AMZ1: variants seen among roughly 807,000 people sequenced by gnomAD.
The protein encoded by AMZ1 is archaemetzincin-1.
In AMZ1, 39 loss-of-function variants were observed where a neutral mutation model predicts 29.9. The ratio of observed to expected loss-of-function variants is 1.30; its 90% CI spans 1.01 to 1.70. The LOEUF is 1.70. AMZ1 is among the 40% of genes most tolerant of loss of function. The pLI is 0.00. For missense variants in AMZ1, 1,041 were observed against 680.6 expected (o/e 1.53, Z -5.89); for synonymous variants, 458 against 304.0 (o/e 1.51, Z -5.27).
chr7:2,723,768 G>C (rs1325634211), downstream of AMZ1, among the ~76,000 whole-genome samples: 4 of 152,232 alleles, frequency 2.6e-5, no homozygotes, highest in East Asian at 7.7e-4. Context: ...TGTTCTCAGA[G>C]ACTCCCTCTG....
chr7:2,763,629 T>C (rs1320694329), upstream of AMZ1, among the ~76,000 whole-genome samples: 1 of 152,256 alleles, frequency 6.6e-6, no homozygotes, highest in East Asian at 1.9e-4. Context: ...AGAGCTGCAG[T>C]GAACACATTT....
chr7:2,731,757 A>C lies in AMZ1; in HGVS notation n.550+21941A>C. The C allele has an allele frequency of 4.8e-6, 7 of 1,454,312 alleles. No individual in the cohort carries two copies. Among genetic ancestry groups the C allele is most frequent in the Non-Finnish European group, 6.5e-6 (7 of 1,081,562 alleles). The allele number at this position is 1,454,312 out of a possible 1,614,324, so 90.1% of individuals were successfully genotyped here. On this transcript the variant is annotated intron_variant and non_coding_transcript_variant, in intron 4 of 4. Transcript: ENST00000489665. The surrounding 1 kb of genome is among the most constrained non-coding windows in gnomAD (Gnocchi z 6.0). Reference sequence around the variant, plus strand: ...GCTTACTAGGAAAGTAATTCTGTAAAATACAGGATGAGGCAGAAATTTAGG... The same window carrying C: ...GCTTACTAGGAAAGTAATTCTGTAACATACAGGATGAGGCAGAAATTTAGG...
At chr7:2,720,319 C>T (rs192815808), downstream of AMZ1, among the ~76,000 whole-genome samples, 1 of 152,336 alleles carries the variant, frequency 6.6e-6, no homozygotes, top group East Asian at 1.9e-4. Flanking sequence ...TTCCATGTCT[C>T]CCCACGTCAG....
At chr7:2,710,108 G>A (rs985640953) in intron 6 of AMZ1, among the ~76,000 whole-genome samples, 1 of 152,226 alleles carries the variant, frequency 6.6e-6, no homozygotes, top group Non-Finnish European at 1.5e-5. Context: ...GCTGGCATTG[G>A]AGCCCAGCCG....
At chr7:2,761,046 A>C (rs868096079), upstream of AMZ1, among the ~76,000 whole-genome samples, 1 of 152,204 alleles carries the variant, frequency 6.6e-6, no homozygotes, top group African/African-American at 2.4e-5. Flanking sequence ...CAAAACAATG[A>C]CATGTAAACG....
In AMZ1 at chr7:2,708,626, G is replaced by C. The variant is rs773588068; in HGVS notation, c.511G>C (p.Asp171His). Reference sequence around the variant, plus strand: ...CTTCTTGAAGAACAACAAGCCAGGGGACGCGCTGTGTGTGCTGGGCCTCAC... The same window carrying C: ...CTTCTTGAAGAACAACAAGCCAGGGCACGCGCTGTGTGTGCTGGGCCTCAC... ...LSFLKNNKPG[D>H]ALCVLGLTLS... Residue 171 changes from aspartate to histidine, a missense_variant, in exon 4 of 7, where the codon GAC becomes CAC. Physicochemically the swap from Asp to His is moderately conservative, Grantham distance 81. Coordinates refer to ENST00000683327, the MANE Select transcript of AMZ1 (RefSeq NM_001384743.1). 3 of 1,613,094 alleles carry C rather than the reference G, an allele frequency of 1.9e-6. No individual in the cohort carries two copies. Among genetic ancestry groups the C allele is most frequent in the South Asian group, 1.1e-5 (1 of 91,086 alleles).
At chr7:2,683,364 A>C (rs1379797035), upstream of AMZ1, among the ~76,000 whole-genome samples, 1 of 151,518 alleles carries the variant, frequency 6.6e-6, no homozygotes, top group Non-Finnish European at 1.5e-5. Context: ...TTGTGGCTGC[A>C]CCACTCCCAT....
chr7:2,708,352 G>T (rs1412025855), intron 3 of AMZ1, among the ~76,000 whole-genome samples: 1 of 152,156 alleles, frequency 6.6e-6, no homozygotes, highest in Non-Finnish European at 1.5e-5. Flanking sequence ...CGTCCCCACT[G>T]GGCTGTCCAT....
intron 1 of AMZ1, among the ~76,000 whole-genome samples, chr7:2,689,167 T>C (rs1303385522): frequency 6.6e-6 from 1 of 152,242 alleles, no homozygotes; most frequent in Non-Finnish European, 1.5e-5. Context: ...AATAGCTCGA[T>C]GCAGCTGCTG....
chr7:2,737,139 G>A (rs1008846476), intron 4 of AMZ1, among the ~76,000 whole-genome samples: 9 of 152,114 alleles, frequency 5.9e-5, no homozygotes, highest in African/African-American at 1.2e-4. Context: ...AGATGTAAGC[G>A]TCTAAGTAGG....
chr7:2,711,223 G>A (rs1439536682), intron 6 of AMZ1, among the ~76,000 whole-genome samples: 1 of 152,206 alleles, frequency 6.6e-6, no homozygotes, highest in African/African-American at 2.4e-5. Flanking sequence ...GTTGTAGGGA[G>A]GGCAGTGGTG....
At chr7:2,707,307 C>G (rs1212436345) in intron 3 of AMZ1, among the ~76,000 whole-genome samples, 1 of 151,596 alleles carries the variant, frequency 6.6e-6, no homozygotes, top group Non-Finnish European at 1.5e-5. Context: ...CACACACACA[C>G]AGAACAACCT....
Position 2,709,527 on chromosome 7 carries a change from C to T in AMZ1, c.772-113C>T, listed in dbSNP as rs534332330. ...GGGGGAGGGCGCCTGGACCACCTCCCGGCCATCTGGCCTCACCCAGGTCCT... is the reference window on the plus strand; with the variant it reads ...GGGGGAGGGCGCCTGGACCACCTCCTGGCCATCTGGCCTCACCCAGGTCCT... On this transcript the variant is annotated intron_variant, in intron 5 of 6. Coordinates refer to ENST00000683327, the MANE Select transcript of AMZ1 (RefSeq NM_001384743.1). 3.4e-4 allele frequency: 498 copies of T among 1,459,232 alleles called. 2 individuals are homozygous for T. Among genetic ancestry groups the T allele is most frequent in the Middle Eastern group, 1.3e-3 (5 of 3,976 alleles). The allele number at this position is 1,459,232 out of a possible 1,614,324, so 90.4% of individuals were successfully genotyped here.
chr7:2,728,466 C>T (rs1181026071), intron 4 of AMZ1: 1 of 152,188 alleles, frequency 6.6e-6, no homozygotes, highest in Admixed American at 6.6e-5. Context: ...ATCCTTGAAA[C>T]AATTTCTCTA....
chr7:2,746,931 A>C (rs1440429920), intron 4 of AMZ1, among the ~76,000 whole-genome samples: 2 of 152,238 alleles, frequency 1.3e-5, no homozygotes, highest in Non-Finnish European at 2.9e-5. Context: ...GAAATGGATA[A>C]ATTCCTCGAC....
rs1222245873 is a variant in AMZ1 at position 2,714,642 on chromosome 7, C to T, written c.*1764C>T. 1 of 152,198 alleles carries T rather than the reference C, an allele frequency of 6.6e-6. No homozygotes were observed. 9.4% of individuals were successfully genotyped at this position (152,198 alleles called of 1,614,324 possible). On this transcript the variant is annotated 3_prime_UTR_variant, in exon 7 of 7. Coordinates refer to ENST00000683327, the MANE Select transcript of AMZ1 (RefSeq NM_001384743.1). ...CCAAAACTTAGTGGCTTAAAATCAC[C>T]ACAGTCTAGCTCATGAATCTGTAAC...
In AMZ1 at chr7:2,745,854, C is replaced by T. The variant is rs142002129; in HGVS notation, n.551-18858C>T. Among the ~76,000 whole-genome samples, 230 of 152,050 alleles carry T rather than the reference C, an allele frequency of 1.5e-3. 1 individual carries two copies. The highest frequency in any genetic ancestry group is 0.012 in the Admixed American group (178 of 15,268). ...ACCAAGCAAATGGAAAACAGAAAAA[C>T]GCAGGGGTTGCAATCCTAGTCTCTG... On this transcript the variant is annotated intron_variant and non_coding_transcript_variant, in intron 4 of 4. Coordinates refer to the AMZ1 transcript ENST00000489665.
intron 4 of AMZ1, among the ~76,000 whole-genome samples, chr7:2,757,399 G>T (rs571378836): frequency 1.8e-4 from 27 of 152,272 alleles, no homozygotes; most frequent in African/African-American, 6.3e-4. Context: ...ACACAGCCGT[G>T]TTATGAGGAG....
In AMZ1 at chr7:2,696,342, C is replaced by T. The variant is rs558064650; in HGVS notation, c.-218-3892C>T. On this transcript the variant is annotated intron_variant, in intron 1 of 6. Transcript: ENST00000683327. ...TGCGATCTTGGCTCACTGCAAGCTC[C>T]GCCTCCCAGGTTCACGCCATTCTCC... Among the ~76,000 whole-genome samples the T allele has an allele frequency of 5.0e-3, 752 of 149,258 alleles. 5 individuals carry two copies. Among genetic ancestry groups the T allele is most frequent in the African/African-American group, 9.2e-3 (372 of 40,598 alleles).
Sources: gnomAD v4.1 joint callset for allele counts (sites outside exome capture counted in the v4.1 genomes callset) on GRCh38, gnomAD v4.1.1 for gene constraint, Gnocchi (gnomAD v3.1) non-coding constraint, MANE v1.5 for transcripts, NCBI Gene and HGNC (gene_info 2026-07-23, HGNC 2026-07-21) for gene names.